The following TFCP2 variants were observed in gnomAD, a reference collection of about 807,000 sequenced individuals.
TFCP2 encodes transcription factor CP2.
Under a neutral mutation model 73.4 loss-of-function variants are expected in TFCP2, and 33 were observed. The observed-to-expected ratio is 0.45, with a 90% CI of 0.34 to 0.60. The LOEUF is 0.60. Ranked by LOEUF, TFCP2 falls within the 20% of genes least tolerant of loss-of-function variation. The probability of loss-of-function intolerance (pLI) is 0.01; values close to 1 mark genes in which losing one functional copy is unlikely to be tolerated. For missense variants in TFCP2, 352 were observed against 604.0 expected, an observed-to-expected ratio of 0.58 and a Z score of 4.37; for synonymous variants, 193 against 211.6, an observed-to-expected ratio of 0.91 and a Z score of 0.76.
intron 5 of TFCP2, among the ~76,000 whole-genome samples, chr12:51,110,151 G>A (rs965898585): frequency 6.6e-6 from 1 of 152,076 alleles, no homozygotes; most frequent in African/African-American, 2.4e-5. Flanking sequence ...ATAAACTAGT[G>A]GTTACTATAA....
intron 5 of TFCP2, 54 bp downstream of exon 5, chr12:51,110,823 C>A: frequency 8.1e-7 from 1 of 1,231,360 alleles, no homozygotes; most frequent in Non-Finnish European, 1.2e-6. Flanking sequence ...AAGAAATAAA[C>A]TGATAGTAAG....
chr12:51,162,479 G>A (rs1319832747), intron 1 of TFCP2, among the ~76,000 whole-genome samples: 1 of 151,344 alleles, frequency 6.6e-6, no homozygotes, highest in African/African-American at 2.4e-5. Flanking sequence ...AAAGGAAAGA[G>A]CCATGGGGCC....
chr12:51,109,875 C>T (rs1185783232), intron 5 of TFCP2, among the ~76,000 whole-genome samples: 2 of 152,078 alleles, frequency 1.3e-5, no homozygotes, highest in Admixed American at 6.6e-5. Flanking sequence ...CACACCACCA[C>T]GCCCTGCTAA....
At chr12:51,123,422 G>T (rs566961980) in intron 1 of TFCP2, among the ~76,000 whole-genome samples, 43 of 152,228 alleles carry the variant, frequency 2.8e-4, no homozygotes, top group African/African-American at 9.4e-4. Flanking sequence ...AAAAACAAGT[G>T]CATCCAGAAA....
In TFCP2 at chr12:51,095,997, G is replaced by A; in HGVS notation, c.1463C>T (p.Thr488Ile). 2 of 1,612,756 alleles carry A rather than the reference G, an allele frequency of 1.2e-6. No individual in the cohort carries two copies. Among genetic ancestry groups the A allele is most frequent in the Non-Finnish European group, 1.7e-6 (2 of 1,179,460 alleles). ...GTTTGTCTTACTATTACCTTTCATT[G>A]TGTCCAGAATAAAACATGCTTCTTC... ...FQEEACFILD[T>I]MKAETNDSYH... The change falls in exon 14 of 15, where the codon ACA (threonine) becomes ATA (isoleucine). Residue 488 changes from threonine (T) to isoleucine (I), a missense_variant. Thr to Ile is a moderately conservative substitution (Grantham distance 89). Coordinates refer to ENST00000257915, the MANE Select transcript of TFCP2 (RefSeq NM_005653.5).
chr12:51,145,296 C>T (rs527865763), intron 1 of TFCP2, among the ~76,000 whole-genome samples: 11 of 149,690 alleles, frequency 7.3e-5, no homozygotes, highest in Admixed American at 2.0e-4. Context: ...GCAGGAGAAT[C>T]GCTTGAACCT....
intron 1 of TFCP2, among the ~76,000 whole-genome samples, chr12:51,136,044 T>C (rs1296124190): frequency 1.3e-5 from 2 of 152,100 alleles, no homozygotes; most frequent in African/African-American, 2.4e-5. Flanking sequence ...CGGTGGCTCA[T>C]GCCTGTAATC....
At chr12:51,155,494 C>T (rs1224825259) in intron 1 of TFCP2, among the ~76,000 whole-genome samples, 2 of 152,162 alleles carry the variant, frequency 1.3e-5, no homozygotes, top group African/African-American at 4.8e-5. Context: ...CCATTTGACA[C>T]GACTAACAAC....
intron 1 of TFCP2, among the ~76,000 whole-genome samples, chr12:51,121,187 A>G (rs1005992991): frequency 1.3e-5 from 2 of 151,942 alleles, no homozygotes; most frequent in African/African-American, 4.8e-5. Flanking sequence ...TTGGGAGGCC[A>G]AGGGGGGCAG....
intron 1 of TFCP2, among the ~76,000 whole-genome samples, chr12:51,157,440 C>A (rs148858908): frequency 6.6e-6 from 1 of 150,792 alleles, no homozygotes; most frequent in Non-Finnish European, 1.5e-5. Flanking sequence ...CTCAGCCTTC[C>A]GAGTAGCTAG....
Position 51,094,658 on chromosome 12 carries a change from A to G in TFCP2, c.*583T>C, listed in dbSNP as rs1351470991. 6.6e-6 allele frequency: 1 copy of G among 152,586 alleles called. No homozygotes were observed. The highest frequency in any genetic ancestry group is 2.4e-5 in the African/African-American group (1 of 41,456). 9.5% of individuals were successfully genotyped at this position (152,586 alleles called of 1,614,324 possible). On this transcript the variant is annotated 3_prime_UTR_variant, in exon 15 of 15. Transcript: ENST00000257915. Reference sequence around the variant, plus strand: ...AACAAGATGGTCATTCAAAAAATTTATCACACTGCCTGGTCAATAAATGTT... The same window carrying G: ...AACAAGATGGTCATTCAAAAAATTTGTCACACTGCCTGGTCAATAAATGTT...
rs142657536 is a variant in TFCP2, at chr12:51,099,143, G to A, written c.1277-225C>T. Among the ~76,000 whole-genome samples, 1,055 of 152,152 alleles carry A rather than the reference G, an allele frequency of 6.9e-3. 2 individuals carry two copies. The highest frequency in any genetic ancestry group is 0.027 in the Middle Eastern group (8 of 294). ...ACCGGAGATAACAGTAAAATCCTCC[G>A]CAAAGAGGAGATATTAGTTGTAAAT... On this transcript the variant is annotated intron_variant, in intron 12 of 14. Coordinates refer to ENST00000257915, the MANE Select transcript of TFCP2 (RefSeq NM_005653.5).
intron 10 of TFCP2, 125 bp downstream of exon 10, chr12:51,103,545 C>A: frequency 1.6e-6 from 1 of 617,138 alleles, no homozygotes; most frequent in Non-Finnish European, 2.7e-6. Context: ...TTCATTTCAT[C>A]AGAAAAATGC....
chr12:51,121,485 T>TA (rs1401579252), intron 1 of TFCP2, among the ~76,000 whole-genome samples: 2 of 142,712 alleles, frequency 1.4e-5, no homozygotes, highest in Non-Finnish European at 3.1e-5. Context: ...TTTTTTTTTT[T>TA]AAGACAGTCT....
intron 1 of TFCP2, among the ~76,000 whole-genome samples, chr12:51,128,498 A>AAAAAAAC (rs1555253519): frequency 5.4e-5 from 8 of 149,028 alleles, no homozygotes; most frequent in South Asian, 2.1e-4. Flanking sequence ...AAAAACAAAA[A>AAAAAAAC]AAACAAACTA....
chr12:51,106,796 G>C (rs1592792194), intron 7 of TFCP2, 183 bp from the exon 8 acceptor site: 1 of 570,858 alleles, frequency 1.8e-6, no homozygotes, highest in Non-Finnish European at 3.1e-6. Flanking sequence ...GGCCTGCTGA[G>C]AATAGGACTT....
intron 1 of TFCP2, among the ~76,000 whole-genome samples, chr12:51,135,836 G>T (rs1941049616): frequency 6.6e-6 from 1 of 151,970 alleles, no homozygotes. Flanking sequence ...GAGGGAATTT[G>T]TTCCGGTCTA....
intron 1 of TFCP2, among the ~76,000 whole-genome samples, chr12:51,128,977 G>C (rs997580684): frequency 6.6e-6 from 1 of 152,052 alleles, no homozygotes; most frequent in East Asian, 1.9e-4. Context: ...TAAATATAAA[G>C]TCATAAGCTT....
At chr12:51,134,241 T>C (rs1941013986) in intron 1 of TFCP2, among the ~76,000 whole-genome samples, 1 of 152,192 alleles carries the variant, frequency 6.6e-6, no homozygotes, top group Admixed American at 6.6e-5. Context: ...TCTACAGAAC[T>C]GAAAAGTTTC....
Sources: gnomAD v4.1 joint callset for allele counts (sites outside exome capture counted in the v4.1 genomes callset) on GRCh38, gnomAD v4.1.1 for gene constraint, MANE v1.5 for transcripts, NCBI Gene and HGNC (gene_info 2026-07-23, HGNC 2026-07-21) for gene names.